The following PDGFC variants were observed in gnomAD, a reference collection of about 807,000 sequenced individuals.
The protein encoded by PDGFC is platelet derived growth factor C.
Under a neutral mutation model 35.5 loss-of-function variants are expected in PDGFC, and 12 were observed. The observed-to-expected ratio is 0.34, with a 90% CI of 0.22 to 0.55. The LOEUF is 0.55. PDGFC is among the 20% of genes least tolerant of loss of function. The pLI is 0.91. For synonymous variants in PDGFC, 159 were observed against 148.8 expected, an observed-to-expected ratio of 1.07 and a Z score of -0.50; for missense variants, 322 against 412.4, an observed-to-expected ratio of 0.78 and a Z score of 1.90.
intron 1 of PDGFC, among the ~76,000 whole-genome samples, chr4:156,940,861 A>G (rs1731788920): frequency 1.3e-5 from 2 of 152,164 alleles, no homozygotes; most frequent in African/African-American, 4.8e-5. Context: ...TTTCAAAACT[A>G]TAAAATAATA....
chr4:156,783,425 T>A (rs550263942), intron 3 of PDGFC, among the ~76,000 whole-genome samples: 1 of 149,490 alleles, frequency 6.7e-6, no homozygotes, highest in Non-Finnish European at 1.5e-5. Context: ...GTGTGCAGAC[T>A]CTGGTGGGAG....
At chr4:156,769,782 A>G (rs1163574622) in intron 4 of PDGFC, among the ~76,000 whole-genome samples, 1 of 152,026 alleles carries the variant, frequency 6.6e-6, no homozygotes, top group Non-Finnish European at 1.5e-5. Context: ...ATCTAATAGT[A>G]TATGCATACA....
At chr4:156,932,507 C>A (rs1731574212) in intron 1 of PDGFC, among the ~76,000 whole-genome samples, 2 of 151,948 alleles carry the variant, frequency 1.3e-5, no homozygotes, top group Non-Finnish European at 2.9e-5. Flanking sequence ...AAATGTACAA[C>A]AATGATAGAC....
chr4:156,857,967 A>G (rs1285889026), intron 1 of PDGFC, among the ~76,000 whole-genome samples: 1 of 152,130 alleles, frequency 6.6e-6, no homozygotes. Context: ...TAGGTTTCTC[A>G]GTGTTGTGAA....
At chr4:156,813,048 G>C (rs1024684294) in intron 2 of PDGFC, among the ~76,000 whole-genome samples, 2 of 152,200 alleles carry the variant, frequency 1.3e-5, no homozygotes, top group African/African-American at 4.8e-5. Context: ...GTATGTGTGT[G>C]CGGGATGTGG....
At chr4:156,809,678 T>C (rs1293739474) in intron 3 of PDGFC, among the ~76,000 whole-genome samples, 1 of 150,922 alleles carries the variant, frequency 6.6e-6, no homozygotes, top group Admixed American at 6.6e-5. Flanking sequence ...CCTTGGGTTA[T>C]ACAACCAGAT....
chr4:156,965,893 G>A (rs745702078), intron 1 of PDGFC, among the ~76,000 whole-genome samples: 7 of 152,074 alleles, frequency 4.6e-5, no homozygotes, highest in Admixed American at 1.3e-4. Context: ...CAATCAGTAC[G>A]GCAGGAACAC....
intron 1 of PDGFC, among the ~76,000 whole-genome samples, chr4:156,875,773 T>A (rs535243249): frequency 1.3e-4 from 20 of 152,002 alleles, no homozygotes; most frequent in African/African-American, 4.1e-4. Context: ...CAAAAATTAG[T>A]CAGGTGTGGT....
intron 1 of PDGFC, among the ~76,000 whole-genome samples, chr4:156,961,966 T>C (rs1325393969): frequency 1.3e-5 from 2 of 152,144 alleles, no homozygotes; most frequent in Admixed American, 6.5e-5. Flanking sequence ...CTTCCAAACA[T>C]GCCTGATGAC....
At chr4:156,860,187 T>C (rs932287750) in intron 1 of PDGFC, among the ~76,000 whole-genome samples, 3 of 152,198 alleles carry the variant, frequency 2.0e-5, no homozygotes, top group Non-Finnish European at 4.4e-5. Context: ...TTATCACTAG[T>C]TCCTTCAACA....
chr4:156,804,902 T>G (rs1030998610), intron 3 of PDGFC, among the ~76,000 whole-genome samples: 6 of 152,058 alleles, frequency 3.9e-5, no homozygotes, highest in Non-Finnish European at 5.9e-5. Context: ...TTTCAATTAA[T>G]CTACGATTTT....
At chr4:156,896,065 A>G (rs1016804510) in intron 1 of PDGFC, among the ~76,000 whole-genome samples, 12 of 152,198 alleles carry the variant, frequency 7.9e-5, no homozygotes, top group African/African-American at 2.2e-4. Context: ...AATAAAAATG[A>G]TATCAGGATT....
chr4:156,906,628 C>A (rs1730921179), intron 1 of PDGFC, among the ~76,000 whole-genome samples: 1 of 152,034 alleles, frequency 6.6e-6, no homozygotes, highest in African/African-American at 2.4e-5. Context: ...TTTTAAAAAT[C>A]TTGAGCACGG....
Position 156,778,855 on chromosome 4 carries a change from C to T in PDGFC, c.496-5962G>A, listed in dbSNP as rs548635930. The stretch of plus-strand genomic sequence containing the variant: ...TTTATGTTGCAACTTTCCCAGTCAA[C>T]TGCATATAGTACACTTCAAACTGAT... On this transcript the variant is annotated intron_variant, in intron 3 of 5. Transcript: ENST00000502773. 2.0e-5 allele frequency among the ~76,000 whole-genome samples: 3 copies of T among 152,354 alleles called. No individual in the cohort carries two copies. The East Asian group carries it at 5.8e-4, about 29-fold the overall frequency.
At chr4:156,839,129 T>C (rs1475809740) in intron 2 of PDGFC, among the ~76,000 whole-genome samples, 1 of 152,198 alleles carries the variant, frequency 6.6e-6, no homozygotes, top group Non-Finnish European at 1.5e-5. Flanking sequence ...ATAATGGCAG[T>C]GCTAGAAGCA....
intron 5 of PDGFC, among the ~76,000 whole-genome samples, chr4:156,767,057 A>G (rs1256029402): frequency 6.6e-6 from 1 of 152,060 alleles, no homozygotes; most frequent in African/African-American, 2.4e-5. Flanking sequence ...ATTCAAGTTG[A>G]CTCATCAAGA....
At position 156,795,501 on chromosome 4, in the gene PDGFC, C is replaced by G. The variant is rs536828118; in HGVS notation, c.495+15336G>C. Among the ~76,000 whole-genome samples, 8 of 152,072 alleles carry G rather than the reference C, an allele frequency of 5.3e-5. No homozygotes were observed. The South Asian group carries it at 1.7e-3, about 32-fold the overall frequency. ...TCCCTGTTTAAAAAAAAAGTACAGGCCCTAAATGATGAGTGGTAAAATTAA... is the reference window on the plus strand; with the variant it reads ...TCCCTGTTTAAAAAAAAAGTACAGGGCCTAAATGATGAGTGGTAAAATTAA... On this transcript the variant is annotated intron_variant, in intron 3 of 5. Coordinates refer to ENST00000502773, the MANE Select transcript of PDGFC (RefSeq NM_016205.3).
intron 2 of PDGFC, among the ~76,000 whole-genome samples, chr4:156,832,457 A>G (rs1459603042): frequency 1.3e-5 from 2 of 151,824 alleles, no homozygotes; most frequent in African/African-American, 2.4e-5. Flanking sequence ...GGGTTTCGCC[A>G]TGTTGGCCAG....
At chr4:156,953,309 A>G (rs1250483117) in intron 1 of PDGFC, among the ~76,000 whole-genome samples, 1 of 151,936 alleles carries the variant, frequency 6.6e-6, no homozygotes, top group Non-Finnish European at 1.5e-5. Flanking sequence ...CAAACAGCCA[A>G]CTTACTAAAG....
Sources: gnomAD v4.1 joint callset for allele counts (sites outside exome capture counted in the v4.1 genomes callset) on GRCh38, gnomAD v4.1.1 for gene constraint, MANE v1.5 for transcripts, NCBI Gene and HGNC (gene_info 2026-07-23, HGNC 2026-07-21) for gene names.